KATNAL1: variants seen among roughly 807,000 people sequenced by gnomAD.
KATNAL1 encodes katanin catalytic subunit A1 like 1, also known as katanin p60 ATPase-containing subunit A-like 1.
Under a neutral mutation model 55.2 loss-of-function variants are expected in KATNAL1, and 32 were observed. That is an observed-to-expected ratio of 0.58 (90% CI 0.44 to 0.78). The LOEUF is 0.78. Ranked by LOEUF, KATNAL1 falls within the 30% of genes least tolerant of loss-of-function variation. The pLI, the probability that KATNAL1 is intolerant of heterozygous loss-of-function variation, is 0.00. For missense variants in KATNAL1, 466 were observed against 600.9 expected (o/e 0.78, Z 2.35); for synonymous variants, 193 against 193.6 (o/e 1.00, Z 0.02).
At chr13:30,262,477 C>G (rs1879387295) in intron 3 of KATNAL1, among the ~76,000 whole-genome samples, 1 of 151,928 alleles carries the variant, frequency 6.6e-6, no homozygotes, top group Non-Finnish European at 1.5e-5. Context: ...GCTAGCAAGA[C>G]TGATAAAGAA....
chr13:30,258,319 T>C (rs760961529), intron 3 of KATNAL1, among the ~76,000 whole-genome samples: 24 of 152,240 alleles, frequency 1.6e-4, no homozygotes, highest in Admixed American at 4.6e-4. Flanking sequence ...CAAAGCTATA[T>C]TAAATATCAA....
intron 9 of KATNAL1, among the ~76,000 whole-genome samples, chr13:30,214,730 C>G (rs894479727): frequency 6.6e-6 from 1 of 151,914 alleles, no homozygotes; most frequent in African/African-American, 2.4e-5. Context: ...ATGTAGAAAG[C>G]TGAAACTGGA....
At chr13:30,267,424 A>G (rs1879864053) in intron 3 of KATNAL1, among the ~76,000 whole-genome samples, 1 of 152,238 alleles carries the variant, frequency 6.6e-6, no homozygotes. Flanking sequence ...AAAGCATGTG[A>G]CATACTGCCA....
intron 6 of KATNAL1, among the ~76,000 whole-genome samples, chr13:30,233,803 G>A (rs1022877692): frequency 1.2e-4 from 18 of 152,186 alleles, no homozygotes; most frequent in African/African-American, 4.1e-4. Context: ...CAACATGGAT[G>A]GAGGTGGAGG....
intron 9 of KATNAL1, among the ~76,000 whole-genome samples, chr13:30,223,725 A>G (rs1314994559): frequency 6.6e-6 from 1 of 152,194 alleles, no homozygotes; most frequent in Admixed American, 6.5e-5. Flanking sequence ...AGAAACTGAA[A>G]AAACGAAAGG....
chr13:30,268,640 T>C (rs1304514107), intron 3 of KATNAL1, among the ~76,000 whole-genome samples: 1 of 152,188 alleles, frequency 6.6e-6, no homozygotes, highest in African/African-American at 2.4e-5. Context: ...AAACTAGTAT[T>C]TTATACTAAA....
chr13:30,271,878 GA>G (rs71299873), intron 3 of KATNAL1, among the ~76,000 whole-genome samples: 23,569 of 76,670 alleles, frequency 0.31, 2,123 homozygotes, highest in African/African-American at 0.38. Context: ...AAGAAAAGAG[GA>G]AAAAAAAAAA....
intron 1 of KATNAL1, among the ~76,000 whole-genome samples, chr13:30,290,366 AGG>A (rs1882056053): frequency 2.0e-5 from 3 of 152,146 alleles, no homozygotes; most frequent in Admixed American, 6.5e-5. Context: ...AAAATGAAGG[AGG>A]GCTATCACTA....
chr13:30,221,154 G>T (rs531175099), intron 9 of KATNAL1, among the ~76,000 whole-genome samples: 5 of 152,136 alleles, frequency 3.3e-5, no homozygotes, highest in Non-Finnish European at 7.4e-5. Context: ...CAAGCCTTGG[G>T]GTCTAGTCAA....
chr13:30,274,903 GCGCGCACACA>G (rs748177419), intron 3 of KATNAL1, among the ~76,000 whole-genome samples: 1,703 of 93,650 alleles, frequency 0.018, 17 homozygotes, highest in African/African-American at 0.041. Context: ...GCGCGCGCGC[GCGCGCACACA>G]CACACACACA....
At chr13:30,292,314 TA>T (rs538835250) in intron 1 of KATNAL1, among the ~76,000 whole-genome samples, 71 of 151,794 alleles carry the variant, frequency 4.7e-4, no homozygotes, top group Non-Finnish European at 8.8e-4. Context: ...ATTACTGACC[TA>T]AATGTAAGAG....
At chr13:30,259,343 G>GAAA (rs539679658) in intron 3 of KATNAL1, among the ~76,000 whole-genome samples, 8 of 142,770 alleles carry the variant, frequency 5.6e-5, no homozygotes, top group African/African-American at 1.0e-4. Context: ...CCATCTCAAA[G>GAAA]AAAAAAAAAA....
At chr13:30,270,601 T>G (rs1022406237) in intron 3 of KATNAL1, among the ~76,000 whole-genome samples, 13 of 152,028 alleles carry the variant, frequency 8.6e-5, no homozygotes, top group African/African-American at 2.4e-4. Flanking sequence ...CCTGTTGATC[T>G]GTGACCTTAC....
intron 9 of KATNAL1, among the ~76,000 whole-genome samples, chr13:30,218,551 C>T (rs1209387604): frequency 6.6e-6 from 1 of 152,128 alleles, no homozygotes; most frequent in Non-Finnish European, 1.5e-5. Context: ...CCTACCACTC[C>T]CCAAACCAGA....
Position 30,228,408 on chromosome 13 carries a change from T to C in KATNAL1, c.1013-862A>G, listed in dbSNP as rs140850218. 3.7e-3 allele frequency among the ~76,000 whole-genome samples: 568 copies of C among 151,824 alleles called. 2 individuals are homozygous for C. The highest frequency in any genetic ancestry group is 0.017 in the Middle Eastern group (5 of 290). Reference sequence around the variant, plus strand: ...GATCTCAGCTCACTGAAACATATAATATTTTCTTATTATGAAACTCCTACT... The same window carrying C: ...GATCTCAGCTCACTGAAACATATAACATTTTCTTATTATGAAACTCCTACT... On this transcript the variant is annotated intron_variant, in intron 8 of 10. Transcript: ENST00000380615.
At chr13:30,260,394 A>G (rs1167394912) in intron 3 of KATNAL1, among the ~76,000 whole-genome samples, 2 of 152,236 alleles carry the variant, frequency 1.3e-5, no homozygotes, top group East Asian at 1.9e-4. Context: ...ATGAGCTGAG[A>G]GAAGGCTTCA....
chr13:30,284,522 T>A (rs1456545193), intron 1 of KATNAL1, among the ~76,000 whole-genome samples: 3 of 152,192 alleles, frequency 2.0e-5, no homozygotes, highest in Non-Finnish European at 4.4e-5. Flanking sequence ...TAAAACTTCT[T>A]GGCCCCAAGA....
Position 30,283,685 on chromosome 13 carries a change from C to A in KATNAL1, c.93G>T (p.Gly31=), listed in dbSNP as rs757292506. 1.2e-6 allele frequency: 2 copies of A among 1,613,998 alleles called. No individual in the cohort carries two copies. Among genetic ancestry groups the A allele is most frequent in the South Asian group, 2.2e-5 (2 of 91,068 alleles). The change falls in exon 2 of 11, where the codon GGG becomes GGT. Residue 31 remains glycine (G), a synonymous_variant. Transcript: ENST00000380615. The part of the protein sequence containing the change: ...NYDSSMVYYQ[G]VMQQIQRHCQ... ...AATGTCTCTGAATCTGCTGCATCAC[C>A]CCCTGGTAATATACCATTGATGAGT...
In KATNAL1 at chr13:30,212,051, G is replaced by A. The variant is rs150632453; in HGVS notation, c.1148-1609C>T. Among the ~76,000 whole-genome samples, 518 of 152,250 alleles carry A rather than the reference G, an allele frequency of 3.4e-3. 10 individuals carry two copies. The highest frequency in any genetic ancestry group is 7.7e-4 in the East Asian group (4 of 5,178). On this transcript the variant is annotated intron_variant, in intron 9 of 10. Coordinates refer to ENST00000380615, the MANE Select transcript of KATNAL1 (RefSeq NM_032116.5). ...ATGAAATCAGGTCCTACATCATACT[G>A]TGCACAAAAATCAGTGCCAGATATA...
Sources: gnomAD v4.1 joint callset for allele counts (sites outside exome capture counted in the v4.1 genomes callset) on GRCh38, gnomAD v4.1.1 for gene constraint, MANE v1.5 for transcripts, NCBI Gene and HGNC (gene_info 2026-07-23, HGNC 2026-07-21) for gene names.